The following NAALADL2 variants were observed in gnomAD, a reference collection of about 807,000 sequenced individuals.
The protein encoded by NAALADL2 is inactive N-acetylated-alpha-linked acidic dipeptidase-like protein 2.
A neutral mutation model predicts 87.2 loss-of-function variants in NAALADL2; 76 were observed. The observed-to-expected ratio is 0.87, with a 90% CI of 0.72 to 1.05. The LOEUF (loss-of-function observed/expected upper bound fraction) is 1.05. Ranked by LOEUF, NAALADL2 falls within the 50% of genes least tolerant of loss-of-function variation. NAALADL2 has a pLI of 0.00. For synonymous variants in NAALADL2, 354 were observed against 331.0 expected, an observed-to-expected ratio of 1.07 and a Z score of -0.75; for missense variants, 1,089 against 945.8, an observed-to-expected ratio of 1.15 and a Z score of -1.99.
chr3:174,916,096 A>G lies in NAALADL2; in HGVS notation c.43+56646A>G, dbSNP rs150280892. The stretch of plus-strand genomic sequence containing the variant: ...ACCTTTCTTAAAAGAAGGTATACAA[A>G]CAGCCAACAAACATAAAAAAATGCT... On this transcript the variant is annotated intron_variant, in intron 1 of 13. Transcript: ENST00000454872. Among the ~76,000 whole-genome samples the G allele has an allele frequency of 4.0e-3, 611 of 152,264 alleles. 2 individuals are homozygous for G. The highest frequency in any genetic ancestry group is 0.014 in the African/African-American group (563 of 41,560).
chr3:175,459,535 TAATAATA>T lies in NAALADL2; in HGVS notation c.1235-3864_1235-3858del, dbSNP rs528737372. 1.6e-3 allele frequency among the ~76,000 whole-genome samples: 243 copies of T among 151,772 alleles called. 1 individual carries two copies. The highest frequency in any genetic ancestry group is 5.0e-3 in the African/African-American group (206 of 41,416). On this transcript the variant is annotated intron_variant, in intron 6 of 13. Coordinates refer to ENST00000454872, the MANE Select transcript of NAALADL2 (RefSeq NM_207015.3). ...GGGAGAGAGAAAATGGTCAAAAAAG[TAATAATA>T]ATTTTTCCAGAAAAAAAGGAAAAAA... is the stretch of plus-strand genomic sequence containing the variant.
chr3:174,497,283 A>G (rs574356693), intron 1 of NAALADL2, among the ~76,000 whole-genome samples: 136 of 152,160 alleles, frequency 8.9e-4, no homozygotes, highest in African/African-American at 3.2e-3. Flanking sequence ...TCTTCCTGAT[A>G]TTATAATATT....
At chr3:175,056,159 T>C (rs551603740) in intron 1 of NAALADL2, among the ~76,000 whole-genome samples, 1 of 152,192 alleles carries the variant, frequency 6.6e-6, no homozygotes, top group African/African-American at 2.4e-5. Context: ...CCGGCCGCTC[T>C]TTTTCTTCAA....
chr3:174,532,537 G>T (rs141766116), intron 1 of NAALADL2, among the ~76,000 whole-genome samples: 2 of 152,208 alleles, frequency 1.3e-5, no homozygotes, highest in Non-Finnish European at 2.9e-5. Flanking sequence ...ATCCTATATG[G>T]AACTCAGAGT....
chr3:175,443,710 G>A (rs888332169), intron 5 of NAALADL2, among the ~76,000 whole-genome samples: 3 of 152,048 alleles, frequency 2.0e-5, no homozygotes, highest in East Asian at 1.9e-4. Context: ...TTGAACTCCC[G>A]TTATGTACCT....
intron 3 of NAALADL2, among the ~76,000 whole-genome samples, chr3:174,750,483 T>C (rs913698774): frequency 1.3e-5 from 2 of 152,034 alleles, no homozygotes; most frequent in South Asian, 4.2e-4. Flanking sequence ...CAGGCTGGCA[T>C]GCAGTAGCAC....
Position 175,558,056 on chromosome 3 carries a change from G to A in NAALADL2, c.1654-17985G>A, listed in dbSNP as rs534391723. On this transcript the variant is annotated intron_variant, in intron 9 of 13. Transcript: ENST00000454872. Reference sequence around the variant, plus strand: ...AAAAATACAAAAAACTTAGCCGGGCGTGGTGGCGGGCGCCTGTAGTCCCAG... The same window carrying A: ...AAAAATACAAAAAACTTAGCCGGGCATGGTGGCGGGCGCCTGTAGTCCCAG... Among the ~76,000 whole-genome samples the A allele has an allele frequency of 5.3e-5, 8 of 151,856 alleles. No homozygotes were observed. The South Asian group carries it at 1.0e-3, about 20-fold the overall frequency.
At chr3:174,681,052 A>C (rs1401420589) in intron 2 of NAALADL2, among the ~76,000 whole-genome samples, 1 of 152,128 alleles carries the variant, frequency 6.6e-6, no homozygotes, top group Admixed American at 6.6e-5. Flanking sequence ...ACTAATTGCA[A>C]GACTTTGCAT....
chr3:174,707,731 A>G (rs908295369), intron 2 of NAALADL2, among the ~76,000 whole-genome samples: 14 of 152,048 alleles, frequency 9.2e-5, no homozygotes, highest in African/African-American at 3.4e-4. Context: ...CCAACATGGC[A>G]TATGTATACA....
intron 2 of NAALADL2, among the ~76,000 whole-genome samples, chr3:174,618,706 G>A (rs1372289836): frequency 6.6e-6 from 1 of 151,930 alleles, no homozygotes; most frequent in Admixed American, 6.6e-5. Flanking sequence ...CCAAATATAA[G>A]TTCAAAAGCA....
At chr3:175,579,549 G>A (rs941294890) in intron 10 of NAALADL2, among the ~76,000 whole-genome samples, 5 of 152,072 alleles carry the variant, frequency 3.3e-5, no homozygotes, top group African/African-American at 7.2e-5. Flanking sequence ...AATGCATTGC[G>A]ATCTATGGAT....
intron 2 of NAALADL2, among the ~76,000 whole-genome samples, chr3:175,102,196 G>A (rs944105512): frequency 2.0e-5 from 3 of 152,134 alleles, no homozygotes; most frequent in Admixed American, 2.0e-4. Context: ...GGTTCCCTCT[G>A]TAAACATTCT....
intron 4 of NAALADL2, among the ~76,000 whole-genome samples, chr3:175,269,343 T>G (rs1411244618): frequency 1.3e-5 from 2 of 152,202 alleles, no homozygotes; most frequent in Non-Finnish European, 2.9e-5. Context: ...TATTATCAAG[T>G]GTGTACATAA....
intron 11 of NAALADL2, among the ~76,000 whole-genome samples, chr3:175,727,885 C>T (rs1301532855): frequency 6.6e-6 from 1 of 152,088 alleles, no homozygotes; most frequent in Non-Finnish European, 1.5e-5. Flanking sequence ...TGGGATGTTT[C>T]TGCTTATACA....
chr3:174,569,495 C>T (rs1411646602), intron 2 of NAALADL2, among the ~76,000 whole-genome samples: 1 of 151,992 alleles, frequency 6.6e-6, no homozygotes, highest in African/African-American at 2.4e-5. Context: ...TGTTGCCATC[C>T]TCTCTGTCAT....
chr3:175,111,997 C>G (rs1724270702), intron 2 of NAALADL2, among the ~76,000 whole-genome samples: 1 of 151,650 alleles, frequency 6.6e-6, no homozygotes, highest in South Asian at 2.1e-4. Flanking sequence ...TACAATGACA[C>G]AGTTTCCTCA....
At chr3:175,792,596 A>G (rs1321246324) in intron 13 of NAALADL2, among the ~76,000 whole-genome samples, 1 of 152,196 alleles carries the variant, frequency 6.6e-6, no homozygotes, top group East Asian at 1.9e-4. Context: ...AAAGAAAACT[A>G]TATCTATAAT....
intron 3 of NAALADL2, among the ~76,000 whole-genome samples, chr3:174,811,226 C>G (rs530660535): frequency 6.6e-6 from 1 of 152,214 alleles, no homozygotes; most frequent in South Asian, 2.1e-4. Flanking sequence ...CCTAGTGGAG[C>G]TGTAAGAAGA....
chr3:175,698,400 TGTGTATTTATGTATGTATAC>T lies in NAALADL2; in HGVS notation c.1897-38905_1897-38886del, dbSNP rs1738375756. On this transcript the variant is annotated intron_variant, in intron 11 of 13. Coordinates refer to ENST00000454872, the MANE Select transcript of NAALADL2 (RefSeq NM_207015.3). Reference sequence around the variant, plus strand: ...GTATTTATGTATGTATACATATGTATGTGTATTTATGTATGTATACATATGTATGTGTATATATTTATGTA... The same window carrying T: ...GTATTTATGTATGTATACATATGTATATATGTATGTGTATATATTTATGTA... 4.1e-5 allele frequency among the ~76,000 whole-genome samples: 4 copies of T among 96,450 alleles called. 1 individual carries two copies. Among genetic ancestry groups the T allele is most frequent in the Non-Finnish European group, 7.4e-5 (4 of 54,084 alleles). 63.3% of individuals were successfully genotyped at this position (96,450 alleles called of 152,430 possible). A position where few individuals can be genotyped will look rare whatever the true frequency, so the allele number is the denominator to read the frequency against.
Sources: allele counts gnomAD v4.1 joint callset (sites outside exome capture counted in the v4.1 genomes callset), GRCh38; gene constraint gnomAD v4.1.1; transcripts MANE v1.5; gene names NCBI Gene and HGNC (gene_info 2026-07-23, HGNC 2026-07-21).